The following RSU1 variants were observed in gnomAD, a reference collection of about 807,000 sequenced individuals.
RSU1 encodes the protein Ras suppressor protein 1, also known as rsu-1.
Under a neutral mutation model 31.1 loss-of-function variants are expected in RSU1, and 26 were observed. The observed-to-expected ratio is 0.84, with a 90% CI of 0.61 to 1.16. The LOEUF is 1.16. Among genes scored for constraint, RSU1 ranks in the 50% most tolerant of loss-of-function variants. The pLI is 0.00. For synonymous variants in RSU1, 164 were observed against 136.3 expected (o/e 1.20, Z -1.41); for missense variants, 320 against 339.1 (o/e 0.94, Z 0.44).
At chr10:16,784,306 T>G (rs1242786547) in intron 2 of RSU1, among the ~76,000 whole-genome samples, 1 of 152,194 alleles carries the variant, frequency 6.6e-6, no homozygotes, top group East Asian at 1.9e-4. Context: ...CTCATTCTGT[T>G]GCCCAGGCTG....
chr10:16,679,380 T>C (rs1341602933), intron 8 of RSU1, among the ~76,000 whole-genome samples: 1 of 152,160 alleles, frequency 6.6e-6, no homozygotes, highest in Non-Finnish European at 1.5e-5. Flanking sequence ...GAAACTTACA[T>C]ACAGTACATA....
At chr10:16,616,364 T>A in intron 8 of RSU1, among the ~76,000 whole-genome samples, 1 of 82,034 alleles carries the variant, frequency 1.2e-5, no homozygotes, top group Non-Finnish European at 2.2e-5. Flanking sequence ...ATTAATAGCC[T>A]ACCAACCAAA....
intron 8 of RSU1, among the ~76,000 whole-genome samples, chr10:16,641,890 T>C (rs1834449272): frequency 6.6e-6 from 1 of 152,208 alleles, no homozygotes; most frequent in South Asian, 2.1e-4. Context: ...CTGATCCATG[T>C]AGCAGAGCGG....
At chr10:16,778,911 G>C (rs1837596432) in intron 3 of RSU1, among the ~76,000 whole-genome samples, 1 of 152,228 alleles carries the variant, frequency 6.6e-6, no homozygotes, top group Admixed American at 6.5e-5. Context: ...TCACAGGCAG[G>C]TGCTCAAAGA....
At chr10:16,803,686 A>C (rs770212482) in intron 2 of RSU1, among the ~76,000 whole-genome samples, 14 of 152,302 alleles carry the variant, frequency 9.2e-5, no homozygotes, top group Middle Eastern at 3.4e-3. Flanking sequence ...ACACAAATAT[A>C]ATCAGCTAAT....
chr10:16,734,069 C>T (rs1038399531), intron 7 of RSU1, among the ~76,000 whole-genome samples: 3 of 152,188 alleles, frequency 2.0e-5, no homozygotes, highest in Admixed American at 6.5e-5. Flanking sequence ...GCTAAACTGT[C>T]GGAACACACA....
chr10:16,694,367 C>G (rs1835630780), intron 8 of RSU1, among the ~76,000 whole-genome samples: 1 of 152,122 alleles, frequency 6.6e-6, no homozygotes, highest in Admixed American at 6.5e-5. Flanking sequence ...AACTGCTTAA[C>G]AATTTTGTTC....
chr10:16,593,712 G>GTC lies in RSU1; in HGVS notation c.732-218_732-217dup, dbSNP rs1311903813. On this transcript the variant is annotated intron_variant, in intron 8 of 8. Coordinates refer to ENST00000345264, the MANE Select transcript of RSU1 (RefSeq NM_012425.4). ...TGCCATGATGTCCGATCACGGACCA[G>GTC]TCTCTTGGGATTTCACACTCACTGG... Among the ~76,000 whole-genome samples, 5 of 152,356 alleles carry GTC rather than the reference G, an allele frequency of 3.3e-5. No homozygotes were observed. In the East Asian group the frequency reaches 7.7e-4, roughly 23 times the overall value.
rs547951428 is a variant in RSU1, at chr10:16,664,867, A to T, written c.731+30156T>A. Among the ~76,000 whole-genome samples the T allele has an allele frequency of 1.3e-3, 200 of 152,268 alleles. 1 individual carries two copies. The highest frequency in any genetic ancestry group is 4.6e-3 in the African/African-American group (193 of 41,550). On this transcript the variant is annotated intron_variant, in intron 8 of 8. Coordinates refer to ENST00000345264, the MANE Select transcript of RSU1 (RefSeq NM_012425.4). Reference sequence around the variant, plus strand: ...CCTATGCTTGCTGAGGCATTCCATGATATACTATTATTAACACTGACAGCA... The same window carrying T: ...CCTATGCTTGCTGAGGCATTCCATGTTATACTATTATTAACACTGACAGCA...
chr10:16,638,495 G>A (rs1405497721), intron 8 of RSU1, among the ~76,000 whole-genome samples: 1 of 152,212 alleles, frequency 6.6e-6, no homozygotes, highest in African/African-American at 2.4e-5. Context: ...CTGCTGTAAA[G>A]TAGTCAATCA....
At position 16,735,804 on chromosome 10, in the gene RSU1, C is replaced by T. The variant is rs534879925; in HGVS notation, c.598+16735G>A. 7.0e-3 allele frequency among the ~76,000 whole-genome samples: 1,066 copies of T among 152,248 alleles called. 8 individuals carry two copies. Among genetic ancestry groups the T allele is most frequent in the Non-Finnish European group, 0.011 (738 of 68,030 alleles). On this transcript the variant is annotated intron_variant, in intron 7 of 8. Transcript: ENST00000345264. ...AGAACAGAAGCATGGACTAACAGCA[C>T]CTATGATTCATTTGTCTCCCACTGG...
chr10:16,682,535 T>TATACACACAC (rs1835345662), intron 8 of RSU1, among the ~76,000 whole-genome samples: 2 of 26,478 alleles, frequency 7.6e-5, no homozygotes, highest in South Asian at 9.3e-4. Context: ...AAATCATTCA[T>TATACACACAC]ACACACACAC....
chr10:16,732,170 A>C (rs927182486), intron 7 of RSU1, among the ~76,000 whole-genome samples: 1 of 152,196 alleles, frequency 6.6e-6, no homozygotes, highest in African/African-American at 2.4e-5. Flanking sequence ...CAGAGACCAT[A>C]GCCTAACAAC....
At chr10:16,624,922 T>C (rs12242137) in intron 8 of RSU1, among the ~76,000 whole-genome samples, 4,746 of 152,212 alleles carry the variant, frequency 0.031, 244 homozygotes, top group African/African-American at 0.11. Flanking sequence ...TCCTAATTAA[T>C]ATTAGTCACT....
chr10:16,770,611 A>C (rs2131636977), intron 3 of RSU1, among the ~76,000 whole-genome samples: 1 of 152,364 alleles, frequency 6.6e-6, no homozygotes, highest in African/African-American at 2.4e-5. Flanking sequence ...GGCCCAGGGC[A>C]TGAAAGCCAG....
intron 7 of RSU1, among the ~76,000 whole-genome samples, chr10:16,735,253 A>G (rs1394275946): frequency 1.3e-5 from 2 of 152,244 alleles, no homozygotes; most frequent in Non-Finnish European, 2.9e-5. Context: ...CCAAGAATAA[A>G]GATGAAAATG....
intron 8 of RSU1, among the ~76,000 whole-genome samples, chr10:16,651,241 C>A (rs1235801936): frequency 1.3e-5 from 2 of 152,092 alleles, no homozygotes; most frequent in Non-Finnish European, 2.9e-5. Flanking sequence ...TATGAAGCAA[C>A]CTCTTTATTC....
At chr10:16,696,138 G>A (rs2131563854) in intron 7 of RSU1, among the ~76,000 whole-genome samples, 1 of 152,288 alleles carries the variant, frequency 6.6e-6, no homozygotes, top group South Asian at 2.1e-4. Context: ...GTCCCTAAAA[G>A]TCCTACTGAG....
At chr10:16,722,089 TGAGA>T (rs1177315420) in intron 7 of RSU1, among the ~76,000 whole-genome samples, 1 of 152,196 alleles carries the variant, frequency 6.6e-6, no homozygotes, top group Non-Finnish European at 1.5e-5. Context: ...AGAGATATTT[TGAGA>T]GAGAGATACT....
Sources: allele counts gnomAD v4.1 joint callset (sites outside exome capture counted in the v4.1 genomes callset), GRCh38; gene constraint gnomAD v4.1.1; transcripts MANE v1.5; gene names NCBI Gene and HGNC (gene_info 2026-07-23, HGNC 2026-07-21).